The following QKI variants were observed in gnomAD, a reference collection of about 807,000 sequenced individuals.
QKI encodes the protein QKI, KH domain containing RNA binding.
A neutral mutation model predicts 39.0 loss-of-function variants in QKI; 10 were observed. That is an observed-to-expected ratio of 0.26 (90% CI 0.16 to 0.43). QKI has a LOEUF of 0.43. QKI is among the 20% of genes least tolerant of loss of function. The pLI is 1.00. For synonymous variants in QKI, 204 were observed against 155.4 expected, an observed-to-expected ratio of 1.31 and a Z score of -2.33; for missense variants, 218 against 428.0, an observed-to-expected ratio of 0.51 and a Z score of 4.33.
intron 1 of QKI, 78 bp downstream of exon 1, chr6:163,415,413 G>A: frequency 6.9e-7 from 1 of 1,453,084 alleles, no homozygotes; most frequent in Non-Finnish European, 9.3e-7. Flanking sequence ...TGGTGGGGAG[G>A]GCGGGAAGGT....
intron 3 of QKI, among the ~76,000 whole-genome samples, chr6:163,531,565 C>T (rs1409823919): frequency 6.6e-6 from 1 of 152,180 alleles, no homozygotes; most frequent in African/African-American, 2.4e-5. Context: ...AAGTTTCTTT[C>T]TTAACTAGAG....
rs529962263 is a variant in QKI at position 163,484,136 on chromosome 6, C to T, written c.402+5240C>T. Among the ~76,000 whole-genome samples the T allele has an allele frequency of 6.6e-5, 10 of 151,938 alleles. No individual in the cohort carries two copies. The East Asian group carries it at 9.7e-4, about 15-fold the overall frequency. On this transcript the variant is annotated intron_variant, in intron 3 of 7. Coordinates refer to ENST00000361752, the MANE Select transcript of QKI (RefSeq NM_006775.3). ...AGTAGGCTTAAAATATTCAATAAAC[C>T]TTTCTCTGCTGACATCCAGGCTTTG...
intron 4 of QKI, among the ~76,000 whole-genome samples, chr6:163,557,487 A>G (rs1025378823): frequency 5.3e-5 from 8 of 152,188 alleles, no homozygotes; most frequent in African/African-American, 1.4e-4. Context: ...AATTAAGTCA[A>G]TTGAACTTAT....
chr6:163,529,703 TC>T (rs1388610383), intron 3 of QKI, among the ~76,000 whole-genome samples: 1 of 152,104 alleles, frequency 6.6e-6, no homozygotes, highest in African/African-American at 2.4e-5. Context: ...ACACGGCACT[TC>T]AGATTAGTGT....
At position 163,496,107 on chromosome 6, in the gene QKI, G is replaced by A. The variant is rs184493729; in HGVS notation, c.402+17211G>A. ...AATATATTGTCTGACATTTCTAATA[G>A]GTTAAGATCTCTTTCAGTATTACAT... is the stretch of plus-strand genomic sequence containing the variant. On this transcript the variant is annotated intron_variant, in intron 3 of 7. Transcript: ENST00000361752. Among the ~76,000 whole-genome samples, 1,355 of 152,198 alleles carry A rather than the reference G, an allele frequency of 8.9e-3. 8 individuals are homozygous for A. The highest frequency in any genetic ancestry group is 0.014 in the Non-Finnish European group (985 of 68,012).
intron 3 of QKI, among the ~76,000 whole-genome samples, chr6:163,493,857 A>G (rs2745363): frequency 3.5e-5 from 1 of 28,660 alleles, no homozygotes; most frequent in Non-Finnish European, 7.3e-5. Context: ...AAAAATATAG[A>G]CAAAAATACA....
At chr6:163,427,363 A>G (rs1417291387) in intron 1 of QKI, among the ~76,000 whole-genome samples, 2 of 151,652 alleles carry the variant, frequency 1.3e-5, no homozygotes, top group Non-Finnish European at 2.9e-5. Context: ...AACAAAATTA[A>G]TAATATTACT....
chr6:163,562,634 A>G (rs1422993083), intron 5 of QKI, among the ~76,000 whole-genome samples: 7 of 152,126 alleles, frequency 4.6e-5, no homozygotes, highest in African/African-American at 1.7e-4. Context: ...CCGTAAGAGG[A>G]TAGCTTTTTT....
chr6:163,474,281 T>C (rs1439459979), intron 2 of QKI, among the ~76,000 whole-genome samples: 1 of 152,084 alleles, frequency 6.6e-6, no homozygotes, highest in Non-Finnish European at 1.5e-5. Context: ...ATGACACACT[T>C]TTATTTGGCT....
chr6:163,529,895 A>G (rs1780746635), intron 3 of QKI, among the ~76,000 whole-genome samples: 1 of 152,182 alleles, frequency 6.6e-6, no homozygotes, highest in Non-Finnish European at 1.5e-5. Context: ...TGCAGCAGGG[A>G]GGTATGAACC....
chr6:163,569,205 T>C (rs1216346607), intron 7 of QKI: 43 of 960,592 alleles, frequency 4.5e-5, no homozygotes, highest in Non-Finnish European at 5.2e-5. Context: ...AATTCCACTT[T>C]TAAGAAATTC....
intron 1 of QKI, among the ~76,000 whole-genome samples, chr6:163,450,411 A>AT: frequency 6.6e-6 from 1 of 152,346 alleles, no homozygotes; most frequent in African/African-American, 2.4e-5. Context: ...TGCACGTACA[A>AT]TAATTTGGAT....
chr6:163,440,221 C>T (rs1242292868), intron 1 of QKI, among the ~76,000 whole-genome samples: 1 of 152,204 alleles, frequency 6.6e-6, no homozygotes, highest in Non-Finnish European at 1.5e-5. Flanking sequence ...CTAGCAGCAA[C>T]CAAATTTAAC....
intron 2 of QKI, among the ~76,000 whole-genome samples, chr6:163,473,093 C>T (rs558985463): frequency 6.6e-6 from 1 of 152,254 alleles, no homozygotes; most frequent in African/African-American, 2.4e-5. Context: ...TAATAAACTA[C>T]TCCAAAATCT....
rs183777694 is a variant in QKI at position 163,518,325 on chromosome 6, A to G, written c.403-16657A>G. Among the ~76,000 whole-genome samples, 35 of 152,290 alleles carry G rather than the reference A, an allele frequency of 2.3e-4. 1 individual carries two copies. Among genetic ancestry groups the G allele is most frequent in the Admixed American group, 8.5e-4 (13 of 15,300 alleles). On this transcript the variant is annotated intron_variant, in intron 3 of 7. Transcript: ENST00000361752. ...TAAGTGTTTGAATATCCAGTCAAAGATAAGATACAATCAATGCCTGCCCTT... is the reference window on the plus strand; with the variant it reads ...TAAGTGTTTGAATATCCAGTCAAAGGTAAGATACAATCAATGCCTGCCCTT...
At position 163,572,929 on chromosome 6, in the gene QKI, T is replaced by C. The variant is rs1023910655; in HGVS notation, c.*2219T>C. The C allele has an allele frequency of 6.6e-6, 1 of 152,162 alleles. No homozygotes were observed. Among genetic ancestry groups the C allele is most frequent in the African/African-American group, 2.4e-5 (1 of 41,434 alleles). The allele number at this position is 152,162 out of a possible 1,614,324, so 9.4% of individuals were successfully genotyped here. On this transcript the variant is annotated 3_prime_UTR_variant, in exon 8 of 8. Coordinates refer to ENST00000361752, the MANE Select transcript of QKI (RefSeq NM_006775.3). ...TTTGATTTATTTACAATATATGCTG[T>C]GCCATTTTGATTTTTATATTGTTTG...
chr6:163,477,309 G>A (rs1419623576), intron 2 of QKI, among the ~76,000 whole-genome samples: 1 of 152,124 alleles, frequency 6.6e-6, no homozygotes, highest in African/African-American at 2.4e-5. Context: ...GAGCCACTGC[G>A]CCTGGCCAAT....
chr6:163,426,711 C>T (rs1313087308), intron 1 of QKI, among the ~76,000 whole-genome samples: 1 of 152,138 alleles, frequency 6.6e-6, no homozygotes, highest in African/African-American at 2.4e-5. Context: ...TTTCTGACCC[C>T]AACACGGAAA....
intron 3 of QKI, among the ~76,000 whole-genome samples, chr6:163,505,006 G>T (rs7768051): frequency 0.79 from 119,643 of 152,118 alleles, 47,234 homozygotes; most frequent in East Asian, 1. Flanking sequence ...ATGGGTGTCC[G>T]GCATTCCAGC....
Sources: gnomAD v4.1 joint callset for allele counts (sites outside exome capture counted in the v4.1 genomes callset) on GRCh38, gnomAD v4.1.1 for gene constraint, MANE v1.5 for transcripts, NCBI Gene and HGNC (gene_info 2026-07-23, HGNC 2026-07-21) for gene names.